Variants in SLC9A9 observed in about 807,000 individuals in gnomAD.
SLC9A9 encodes the protein solute carrier family 9 member A9.
SLC9A9 carries 62 observed loss-of-function variants against 77.8 expected under a neutral mutation model. That is an observed-to-expected ratio of 0.80 (90% CI 0.65 to 0.98). The LOEUF is 0.98. Ranked by LOEUF, SLC9A9 falls within the 50% of genes least tolerant of loss-of-function variation. SLC9A9 has a pLI of 0.00. For synonymous variants in SLC9A9, 320 were observed against 283.5 expected, an observed-to-expected ratio of 1.13 and a Z score of -1.29; for missense variants, 775 against 774.9, an observed-to-expected ratio of 1.00 and a Z score of 0.00.
intron 13 of SLC9A9, among the ~76,000 whole-genome samples, chr3:143,379,456 T>C (rs1209594845): frequency 6.6e-6 from 1 of 152,194 alleles, no homozygotes; most frequent in Non-Finnish European, 1.5e-5. Context: ...ATTATCCCAA[T>C]GTGTGGAGAA....
chr3:143,448,766 TAAG>T (rs1486883682), intron 12 of SLC9A9, among the ~76,000 whole-genome samples: 1 of 146,032 alleles, frequency 6.8e-6, no homozygotes, highest in Non-Finnish European at 1.5e-5. Context: ...TATAATAGTC[TAAG>T]ATTATTCCAG....
intron 14 of SLC9A9, among the ~76,000 whole-genome samples, chr3:143,296,358 C>T (rs1308729678): frequency 6.6e-6 from 1 of 152,154 alleles, no homozygotes; most frequent in Non-Finnish European, 1.5e-5. Flanking sequence ...GTGTAATGTC[C>T]TCCAGGTTCA....
At chr3:143,466,848 C>G (rs187754469) in intron 12 of SLC9A9, among the ~76,000 whole-genome samples, 189 bp downstream of exon 12, 3 of 152,254 alleles carry the variant, frequency 2.0e-5, no homozygotes, top group Admixed American at 2.0e-4. Context: ...GATTTGGAAG[C>G]CTCCTGGAAA....
intron 2 of SLC9A9, among the ~76,000 whole-genome samples, chr3:143,831,175 G>A (rs2108888496): frequency 6.6e-6 from 1 of 152,120 alleles, no homozygotes; most frequent in South Asian, 2.1e-4. Flanking sequence ...GTGAAACAAT[G>A]GACTTCCACA....
At chr3:143,298,316 C>G (rs1264487275) in intron 14 of SLC9A9, among the ~76,000 whole-genome samples, 1 of 152,224 alleles carries the variant, frequency 6.6e-6, no homozygotes, top group African/African-American at 2.4e-5. Flanking sequence ...CATGTAGAAC[C>G]TCAACCAGGT....
intron 5 of SLC9A9, chr3:143,655,529 T>G (rs1160285040): frequency 1.0e-6 from 1 of 985,330 alleles, no homozygotes; most frequent in Non-Finnish European, 1.2e-6. Flanking sequence ...CAGATTTTCA[T>G]GCTTCACTTG....
At chr3:143,515,379 C>G (rs1451831032) in intron 9 of SLC9A9, among the ~76,000 whole-genome samples, 2 of 152,218 alleles carry the variant, frequency 1.3e-5, no homozygotes, top group East Asian at 3.9e-4. Flanking sequence ...GGCAGAGAGG[C>G]TTGCTCCAAG....
intron 6 of SLC9A9, among the ~76,000 whole-genome samples, chr3:143,623,694 A>C (rs2038264637): frequency 6.6e-6 from 1 of 152,196 alleles, no homozygotes. Flanking sequence ...CTAACATCAC[A>C]ATTAAAAGAA....
intron 12 of SLC9A9, among the ~76,000 whole-genome samples, chr3:143,435,534 C>T (rs2034606619): frequency 6.6e-6 from 1 of 152,186 alleles, no homozygotes; most frequent in Non-Finnish European, 1.5e-5. Context: ...ATTACTGACT[C>T]ATTACAGAAA....
intron 6 of SLC9A9, among the ~76,000 whole-genome samples, chr3:143,608,291 G>A (rs998435998): frequency 2.0e-5 from 3 of 152,150 alleles, no homozygotes; most frequent in Non-Finnish European, 4.4e-5. Flanking sequence ...GCAGCAAGGG[G>A]TACATCAGTT....
intron 12 of SLC9A9, among the ~76,000 whole-genome samples, chr3:143,398,233 G>A (rs1490937681): frequency 6.6e-6 from 1 of 152,166 alleles, no homozygotes; most frequent in Admixed American, 6.5e-5. Flanking sequence ...CCTTAGCACA[G>A]GATAAAGCTC....
intron 12 of SLC9A9, among the ~76,000 whole-genome samples, chr3:143,436,598 CTG>C (rs1346421355): frequency 3.9e-5 from 6 of 152,324 alleles, no homozygotes; most frequent in African/African-American, 1.4e-4. Flanking sequence ...GAAGAAGAAA[CTG>C]TGAAAGTGAG....
chr3:143,449,803 T>C (rs2034949556), intron 12 of SLC9A9, among the ~76,000 whole-genome samples: 2 of 56,998 alleles, frequency 3.5e-5, no homozygotes, highest in South Asian at 1.4e-3. Context: ...ATATATTTTA[T>C]ATATATAATT....
At chr3:143,546,849 G>A (rs1004917822) in intron 9 of SLC9A9, among the ~76,000 whole-genome samples, 2 of 152,060 alleles carry the variant, frequency 1.3e-5, no homozygotes, top group Admixed American at 6.6e-5. Context: ...TTCCTCCAGC[G>A]ATCACCTCAT....
At chr3:143,818,314 A>G (rs1381237331) in intron 2 of SLC9A9, among the ~76,000 whole-genome samples, 1 of 152,064 alleles carries the variant, frequency 6.6e-6, no homozygotes, top group African/African-American at 2.4e-5. Flanking sequence ...TGTTATATAT[A>G]TATATTTTTT....
At chr3:143,750,688 G>A (rs2006674445) in intron 4 of SLC9A9, among the ~76,000 whole-genome samples, 1 of 150,170 alleles carries the variant, frequency 6.7e-6, no homozygotes, top group African/African-American at 2.4e-5. Context: ...ATAGTCAAAT[G>A]GGAAGAGGGT....
intron 6 of SLC9A9, among the ~76,000 whole-genome samples, chr3:143,621,900 C>T (rs1210086012): frequency 7.9e-5 from 12 of 151,954 alleles, no homozygotes; most frequent in Admixed American, 7.9e-4. Context: ...CTAGAATAAG[C>T]AATGCAGAGA....
intron 4 of SLC9A9, among the ~76,000 whole-genome samples, chr3:143,741,665 T>C (rs1022324983): frequency 6.6e-6 from 1 of 151,114 alleles, no homozygotes; most frequent in Non-Finnish European, 1.5e-5. Flanking sequence ...CTCAGCCAAG[T>C]GATCAAGGTC....
intron 4 of SLC9A9, among the ~76,000 whole-genome samples, chr3:143,746,163 G>A (rs988347366): frequency 9.2e-5 from 14 of 152,192 alleles, no homozygotes; most frequent in African/African-American, 3.4e-4. Context: ...TGGAGGCAGA[G>A]AATACATGCA....
Sources: gnomAD v4.1 joint callset for allele counts (sites outside exome capture counted in the v4.1 genomes callset) on GRCh38, gnomAD v4.1.1 for gene constraint, MANE v1.5 for transcripts, NCBI Gene and HGNC (gene_info 2026-07-23, HGNC 2026-07-21) for gene names.